DCN: variants seen among roughly 807,000 people sequenced by gnomAD.
DCN encodes bone proteoglycan II.
DCN carries 17 observed loss-of-function variants against 36.5 expected under a neutral mutation model. That is an observed-to-expected ratio of 0.47 (90% CI 0.32 to 0.70). The LOEUF is 0.70. Ranked by LOEUF, DCN falls within the 30% of genes least tolerant of loss-of-function variation. DCN has a pLI of 0.04. For synonymous variants in DCN, 163 were observed against 161.4 expected (o/e 1.01, Z -0.07); for missense variants, 389 against 430.1 (o/e 0.90, Z 0.84).
chr12:91,177,020 C>T (rs1479247804), intron 2 of DCN: 3 of 152,754 alleles, frequency 2.0e-5, no homozygotes, highest in African/African-American at 4.8e-5. Flanking sequence ...ACCACTAGAA[C>T]ATAAGATCCA....
rs1361149376 is a variant in DCN, at chr12:91,143,791, C to A, written c.*2267G>T. On this transcript the variant is annotated 3_prime_UTR_variant, in exon 8 of 8. Coordinates refer to ENST00000052754, the MANE Select transcript of DCN (RefSeq NM_001920.5). Reference sequence around the variant, plus strand: ...CTTTATTTCAAAGGAAATAAAGATACATATATATGTATATATGCAAAAAGA... The same window carrying A: ...CTTTATTTCAAAGGAAATAAAGATAAATATATATGTATATATGCAAAAAGA... 1 of 147,386 alleles carries A rather than the reference C, an allele frequency of 6.8e-6. No individual in the cohort carries two copies. The highest frequency in any genetic ancestry group is 2.0e-4 in the East Asian group (1 of 5,090). 9.1% of individuals were successfully genotyped at this position (147,386 alleles called of 1,614,324 possible). A position where few individuals can be genotyped will look rare whatever the true frequency, so the allele number is the denominator to read the frequency against.
chr12:91,176,312 C>T (rs1292974558), intron 2 of DCN: 1 of 151,984 alleles, frequency 6.6e-6, no homozygotes, highest in Non-Finnish European at 1.5e-5. Context: ...TTAGCTACTT[C>T]CTTAGTATAT....
intron 2 of DCN, chr12:91,172,331 A>G (rs191893000): frequency 6.5e-6 from 1 of 154,706 alleles, no homozygotes; most frequent in East Asian, 1.9e-4. Context: ...ATTGACTTTC[A>G]ACAATTTTTT....
chr12:91,172,604 T>C (rs1883039011), intron 2 of DCN: 2 of 493,250 alleles, frequency 4.1e-6, no homozygotes, highest in Non-Finnish European at 7.2e-6. Flanking sequence ...TTCCTGGTTT[T>C]ACAGTTGTCC....
chr12:91,166,373 T>C (rs1417672332), intron 2 of DCN, among the ~76,000 whole-genome samples: 1 of 152,186 alleles, frequency 6.6e-6, no homozygotes, highest in Non-Finnish European at 1.5e-5. Context: ...TTAATGACAC[T>C]GTACAGTTGT....
At chr12:91,159,425 T>G (rs1043035780) in intron 3 of DCN, among the ~76,000 whole-genome samples, 5 of 152,184 alleles carry the variant, frequency 3.3e-5, no homozygotes, top group Admixed American at 2.6e-4. Flanking sequence ...ACTATTTTTT[T>G]TTTATTTTCC....
intron 5 of DCN, among the ~76,000 whole-genome samples, chr12:91,156,048 T>C (rs927347263): frequency 2.6e-4 from 39 of 152,104 alleles, no homozygotes; most frequent in African/African-American, 9.4e-4. Flanking sequence ...AACTAGATAA[T>C]ATAGAGGGCT....
intron 7 of DCN, among the ~76,000 whole-genome samples, chr12:91,147,425 A>T (rs1437649892): frequency 2.0e-5 from 3 of 152,174 alleles, no homozygotes; most frequent in African/African-American, 4.8e-5. Flanking sequence ...AATATGTAGC[A>T]TATTATGCTT....
At chr12:91,163,559 G>T (rs557330755) in intron 3 of DCN, among the ~76,000 whole-genome samples, 2 of 152,188 alleles carry the variant, frequency 1.3e-5, no homozygotes, top group East Asian at 3.9e-4. Context: ...GCAAATAGAG[G>T]TTTCAATAAA....
At chr12:91,157,929 T>G (rs1156389396) in intron 4 of DCN, among the ~76,000 whole-genome samples, 2 of 152,006 alleles carry the variant, frequency 1.3e-5, no homozygotes, top group East Asian at 3.9e-4. Flanking sequence ...CGCCCAGCCA[T>G]AACATATTTT....
In DCN at chr12:91,178,654, T is replaced by C; in HGVS notation, c.-33-69A>G. On this transcript the variant is annotated intron_variant, in intron 1 of 7. Transcript: ENST00000052754. ...TCTGTGTGTCGTTTCTTATATAATA[T>C]GCCACAATACAGTGAGCACAGAGAA... is the stretch of plus-strand genomic sequence containing the variant. The C allele has an allele frequency of 1.1e-5, 10 of 916,286 alleles. No homozygotes were observed. In the East Asian group the frequency reaches 2.5e-4, roughly 23 times the overall value. The allele number at this position is 916,286 out of a possible 1,614,324, so 56.8% of individuals were successfully genotyped here.
At chr12:91,153,833 G>C (rs1295383484) in intron 5 of DCN, among the ~76,000 whole-genome samples, 1 of 151,952 alleles carries the variant, frequency 6.6e-6, no homozygotes, top group Non-Finnish European at 1.5e-5. Flanking sequence ...GGAGCACCTG[G>C]GGTAATAATT....
Position 91,144,129 on chromosome 12 carries a change from C to T in DCN, c.*1929G>A, listed in dbSNP as rs1227000998. 6.6e-6 allele frequency: 1 copy of T among 152,042 alleles called. No homozygotes were observed. Among genetic ancestry groups the T allele is most frequent in the East Asian group, 1.9e-4 (1 of 5,186 alleles). The allele number at this position is 152,042 out of a possible 1,614,324, so 9.4% of individuals were successfully genotyped here. On this transcript the variant is annotated 3_prime_UTR_variant, in exon 8 of 8. Transcript: ENST00000052754. ...TTTCCCCATAAGAGAAAGGCTGCAG[C>T]ATAAAGGGTATATCATTCAAGGCTA... is the stretch of plus-strand genomic sequence containing the variant.
rs1046755079 is a variant in DCN, at chr12:91,140,686, C to T, written c.*5372G>A. ...TAGAATTTATGTCTACAGCTCAACCCTTTCCCTTGAGCTCCAAAATTCTAG... is the reference window on the plus strand; with the variant it reads ...TAGAATTTATGTCTACAGCTCAACCTTTTCCCTTGAGCTCCAAAATTCTAG... On this transcript the variant is annotated 3_prime_UTR_variant, in exon 8 of 8. Transcript: ENST00000052754. The T allele has an allele frequency of 2.0e-5, 3 of 152,148 alleles. No homozygotes were observed. The highest frequency in any genetic ancestry group is 7.2e-5 in the African/African-American group (3 of 41,444). 9.4% of individuals were successfully genotyped at this position (152,148 alleles called of 1,614,324 possible).
chr12:91,167,366 T>G (rs903361176), intron 2 of DCN, among the ~76,000 whole-genome samples: 2 of 151,968 alleles, frequency 1.3e-5, no homozygotes, highest in African/African-American at 4.8e-5. Flanking sequence ...AGGTAGACTC[T>G]ATGATGAGGT....
chr12:91,155,615 GATC>G (rs1464821423), intron 5 of DCN, among the ~76,000 whole-genome samples: 2 of 150,242 alleles, frequency 1.3e-5, no homozygotes, highest in East Asian at 3.9e-4. Flanking sequence ...ATTTTAATAA[GATC>G]TATCTATCTA....
chr12:91,155,356 A>T (rs988655863), intron 5 of DCN, among the ~76,000 whole-genome samples: 1 of 152,202 alleles, frequency 6.6e-6, no homozygotes, highest in Non-Finnish European at 1.5e-5. Flanking sequence ...CCGGAACTAA[A>T]TACATGCTTA....
chr12:91,177,766 C>T, intron 2 of DCN: 1 of 687,682 alleles, frequency 1.5e-6, no homozygotes, highest in South Asian at 1.5e-5. Context: ...AGCTGGATTA[C>T]AAAATGTCAA....
intron 2 of DCN, 93 bp from the exon 3 acceptor site, chr12:91,164,810 G>C: frequency 6.7e-6 from 5 of 747,192 alleles, no homozygotes. Context: ...TTAATGTTAT[G>C]ATGATCATCT....
Sources: gnomAD v4.1 joint callset for allele counts (sites outside exome capture counted in the v4.1 genomes callset) on GRCh38, gnomAD v4.1.1 for gene constraint, MANE v1.5 for transcripts, NCBI Gene and HGNC (gene_info 2026-07-23, HGNC 2026-07-21) for gene names.